SNRNP200: variants seen among roughly 807,000 people sequenced by gnomAD.
SNRNP200 encodes small nuclear ribonucleoprotein U5 subunit 200, also known as U5 small nuclear ribonucleoprotein 200 kDa helicase.
In SNRNP200, 66 loss-of-function variants were observed where a neutral mutation model predicts 255.2. The ratio of observed to expected loss-of-function variants is 0.26; its 90% confidence interval spans 0.21 to 0.32. The LOEUF (loss-of-function observed/expected upper bound fraction) is 0.32, where lower values mean the gene tolerates loss of function less well. Ranked by LOEUF, SNRNP200 falls within the 10% of genes least tolerant of loss-of-function variation. SNRNP200 has a pLI of 1.00. For missense variants in SNRNP200, 1,585 were observed against 2,749.8 expected (o/e 0.58, Z 9.47); for synonymous variants, 939 against 1,027.8 (o/e 0.91, Z 1.65).
chr2:96,299,173 G>C (rs540955756), intron 6 of SNRNP200, among the ~76,000 whole-genome samples, 156 bp downstream of exon 6: 3 of 152,242 alleles, frequency 2.0e-5, no homozygotes, highest in East Asian at 1.9e-4. Flanking sequence ...GAAGAAAACC[G>C]ACAGAAATTT....
Position 96,286,247 on chromosome 2 carries a change from C to T in SNRNP200, c.4003+64G>A. The T allele has an allele frequency of 1.3e-6, 2 of 1,555,990 alleles. No homozygotes were observed. The highest frequency in any genetic ancestry group is 2.7e-5 in the African/African-American group (2 of 73,850). On this transcript the variant is annotated intron_variant, in intron 29 of 44. Coordinates refer to ENST00000323853, the MANE Select transcript of SNRNP200 (RefSeq NM_014014.5). This position sits in a 1 kb window ranked among gnomAD's most constrained non-coding sequence, Gnocchi z 4.8. ...CTGAGCACCCCCACTCCCCTGCCTG[C>T]CACAGAGCACATCTGTCTCCCGGTG...
At chr2:96,276,645 C>A in intron 43 of SNRNP200, 3 of 490,044 alleles carry the variant, frequency 6.1e-6, no homozygotes, top group Non-Finnish European at 1.1e-5. Context: ...TGGTCTCGAA[C>A]TCCTGACCTC....
At chr2:96,303,136 A>T in intron 3 of SNRNP200, 23 bp downstream of exon 3, 1 of 1,610,046 alleles carries the variant, frequency 6.2e-7, no homozygotes. Flanking sequence ...GACCTAATAT[A>T]TATTTCACAA....
rs763830666 is a variant in SNRNP200 at position 96,303,222 on chromosome 2, A to G, written c.318T>C (p.Thr106=). Residue 106 remains threonine (T), a synonymous_variant, in exon 3 of 45, where the codon ACT becomes ACC. Transcript: ENST00000323853. ...CCTCATAGGTCTCCCGAGTCTCTTT[A>G]GTTTTGGGCTTGTAGATGATGCCCA... The part of the protein sequence containing the change: ...EMVGIIYKPK[T]KETRETYEVL... 1.2e-6 allele frequency: 2 copies of G among 1,614,162 alleles called. No homozygotes were observed. The highest frequency in any genetic ancestry group is 3.3e-5 in the Admixed American group (2 of 60,016).
intron 29 of SNRNP200, 24 bp from the exon 30 acceptor site, chr2:96,285,364 G>A (rs1259850718): frequency 6.2e-7 from 1 of 1,613,286 alleles, no homozygotes; most frequent in Non-Finnish European, 8.5e-7. Flanking sequence ...GAAAGAAGCA[G>A]TGTAAGTATC....
At chr2:96,282,151 G>T in intron 34 of SNRNP200, 1 of 517,094 alleles carries the variant, frequency 1.9e-6, no homozygotes. Context: ...AGTCATCATA[G>T]AACAGAACCC....
At position 96,287,505 on chromosome 2, in the gene SNRNP200, C is replaced by A. The variant is rs1162483469; in HGVS notation, c.3418G>T (p.Val1140Leu). The A allele has an allele frequency of 2.5e-6, 4 of 1,614,234 alleles. No individual in the cohort carries two copies. The highest frequency in any genetic ancestry group is 1.1e-5 in the South Asian group (1 of 91,088). Reference protein sequence around the residue: ...RQFRKLPEEVVKKIEKKNFPF... With the variant: ...RQFRKLPEEVLKKIEKKNFPF... Reference sequence around the variant, plus strand: ...AAATTCTTCTTCTCAATCTTCTTCACTACTTCCTCAGGGAGTTTCCGGAAC... The same window carrying A: ...AAATTCTTCTTCTCAATCTTCTTCAATACTTCCTCAGGGAGTTTCCGGAAC... Residue 1140 changes from valine to leucine, a missense_variant, in exon 26 of 45, where the codon GTG becomes TTG. Coordinates refer to ENST00000323853, the MANE Select transcript of SNRNP200 (RefSeq NM_014014.5). The surrounding 1 kb of genome is among the most constrained non-coding windows in gnomAD (Gnocchi z 5.7).
At chr2:96,297,171 A>G in intron 11 of SNRNP200, 101 bp from the exon 12 acceptor site, 6 of 1,569,784 alleles carry the variant, frequency 3.8e-6, no homozygotes, top group Non-Finnish European at 5.2e-6. Context: ...ATCTCTTTGC[A>G]TAACTTTCCA....
At chr2:96,293,852 T>C (rs1478406489) in intron 14 of SNRNP200, among the ~76,000 whole-genome samples, 1 of 152,252 alleles carries the variant, frequency 6.6e-6, no homozygotes, top group African/African-American at 2.4e-5. Context: ...CTGGCAGTTA[T>C]AGTTCCCAAG....
intron 5 of SNRNP200, among the ~76,000 whole-genome samples, chr2:96,300,758 G>A (rs1005222376): frequency 8.0e-5 from 12 of 150,096 alleles, no homozygotes; most frequent in Non-Finnish European, 1.3e-4. Flanking sequence ...AGAAGACTCC[G>A]TCTCAAAAAA....
At position 96,287,844 on chromosome 2, in the gene SNRNP200, C is replaced by T. The variant is rs764843292; in HGVS notation, c.3365+19G>A. ...ACCCCCACTCATGGTGACCAGCATCCAGCTCACTGGGTCCTTACATGCGTT... is the reference window on the plus strand; with the variant it reads ...ACCCCCACTCATGGTGACCAGCATCTAGCTCACTGGGTCCTTACATGCGTT... On this transcript the variant is annotated intron_variant, in intron 25 of 44. Transcript: ENST00000323853. The surrounding 1 kb of genome is among the most constrained non-coding windows in gnomAD (Gnocchi z 5.7). 1 of 1,609,204 alleles carries T rather than the reference C, an allele frequency of 6.2e-7. No homozygotes were observed. The highest frequency in any genetic ancestry group is 1.1e-5 in the South Asian group (1 of 90,990).
At position 96,298,698 on chromosome 2, in the gene SNRNP200, G is replaced by C. The variant is rs1301851445; in HGVS notation, c.887C>G (p.Ala296Gly). 6.2e-7 allele frequency: 1 copy of C among 1,614,144 alleles called. No homozygotes were observed. Among genetic ancestry groups the C allele is most frequent in the East Asian group, 2.2e-5 (1 of 44,884 alleles). ...ATTTTCACATTCCCGATCATCACTG[G>C]CCGTCTGCAGAGAGCAGGTAACACC... Reference protein sequence around the residue: ...ADEVLEILKTASDDRECENQL... With the variant: ...ADEVLEILKTGSDDRECENQL... Residue 296 changes from alanine (A) to glycine (G), a missense_variant, in exon 8 of 45, where the codon GCC (alanine) becomes GGC (glycine). Ala to Gly is a moderately conservative substitution (Grantham distance 60). Around this residue, in one of 9 missense-constraint regions of SNRNP200, gnomAD observed 383 missense variants for 645.3 expected, o/e 0.59. Transcript: ENST00000323853.
chr2:96,292,712 T>A (rs2063891580), intron 16 of SNRNP200, among the ~76,000 whole-genome samples: 1 of 152,216 alleles, frequency 6.6e-6, no homozygotes, highest in African/African-American at 2.4e-5. Context: ...GGCTGAGTTT[T>A]GCTAGTTAAC....
chr2:96,278,102 T>A lies in SNRNP200; in HGVS notation c.5610+135A>T. 1 of 1,513,480 alleles carries A rather than the reference T, an allele frequency of 6.6e-7. No individual in the cohort carries two copies. The allele number at this position is 1,513,480 out of a possible 1,614,324, so 93.8% of individuals were successfully genotyped here. ...GGGATGGAGATGGGTTTGAGGGAGG[T>A]ATGGAGCGGGAGGACATATGGCGGG... On this transcript the variant is annotated intron_variant, in intron 39 of 44. Transcript: ENST00000323853. This position sits in a 1 kb window ranked among gnomAD's most constrained non-coding sequence, Gnocchi z 6.9.
chr2:96,295,778 A>G, intron 13 of SNRNP200, 120 bp from the exon 14 acceptor site: 2 of 972,400 alleles, frequency 2.1e-6, no homozygotes, highest in Admixed American at 2.0e-5. Flanking sequence ...AGGTGAATAC[A>G]AGGCGAATCA....
In SNRNP200 at chr2:96,277,245, C is replaced by T; in HGVS notation, c.5932-4G>A. 1.2e-6 allele frequency: 2 copies of T among 1,614,132 alleles called. No homozygotes were observed. The highest frequency in any genetic ancestry group is 1.7e-6 in the Non-Finnish European group (2 of 1,180,010). Reference sequence around the variant, plus strand: ...TGTCGAAAACACTCTCCACTCCCTGCAGTGAGTATTCAGACGTCAGGAAAG... The same window carrying T: ...TGTCGAAAACACTCTCCACTCCCTGTAGTGAGTATTCAGACGTCAGGAAAG... On this transcript the variant is annotated splice_polypyrimidine_tract_variant and splice_region_variant and intron_variant, in intron 41 of 44. Coordinates refer to ENST00000323853, the MANE Select transcript of SNRNP200 (RefSeq NM_014014.5). The surrounding 1 kb of genome is among the most constrained non-coding windows in gnomAD (Gnocchi z 4.4).
Position 96,289,172 on chromosome 2 carries a change from A to G in SNRNP200, c.3093+55T>C, listed in dbSNP as rs771528000. 9 of 1,613,858 alleles carry G rather than the reference A, an allele frequency of 5.6e-6. No homozygotes were observed. The South Asian group carries it at 9.9e-5, about 18-fold the overall frequency. On this transcript the variant is annotated intron_variant, in intron 22 of 44. Transcript: ENST00000323853. Reference sequence around the variant, plus strand: ...AGCCTTGTGGCCGAGGAGGGACACCATTCAGTGACTTGGTGAGCACCAACT... The same window carrying G: ...AGCCTTGTGGCCGAGGAGGGACACCGTTCAGTGACTTGGTGAGCACCAACT...
rs1445567435 is a variant in SNRNP200, at chr2:96,276,225, A to C, written c.6174+679T>G. ...TTCAATTATTCTCCCATATAAAGAGAACCAGAATTTCTTTCTGGTGGTAAA... is the reference window on the plus strand; with the variant it reads ...TTCAATTATTCTCCCATATAAAGAGCACCAGAATTTCTTTCTGGTGGTAAA... On this transcript the variant is annotated intron_variant, in intron 43 of 44. Coordinates refer to ENST00000323853, the MANE Select transcript of SNRNP200 (RefSeq NM_014014.5). Among the ~76,000 whole-genome samples the C allele has an allele frequency of 3.3e-5, 5 of 152,142 alleles. No homozygotes were observed. The East Asian group carries it at 9.6e-4, about 29-fold the overall frequency.
chr2:96,291,258 AC>A lies in SNRNP200; in HGVS notation c.2421+133del. 3.9e-6 allele frequency: 3 copies of A among 766,502 alleles called. No individual in the cohort carries two copies. The South Asian group carries it at 4.1e-5, about 10-fold the overall frequency. 47.5% of individuals were successfully genotyped at this position (766,502 alleles called of 1,614,324 possible). A position where few individuals can be genotyped will look rare whatever the true frequency, so the allele number is the denominator to read the frequency against. ...GCATAAGGTTCTATTTATTGTGTCC[AC>A]CACAACCCTCTGACCTGGGCTAGCT... On this transcript the variant is annotated intron_variant, in intron 18 of 44. Transcript: ENST00000323853. This position sits in a 1 kb window ranked among gnomAD's most constrained non-coding sequence, Gnocchi z 4.2.
Sources: allele counts gnomAD v4.1 joint callset (sites outside exome capture counted in the v4.1 genomes callset), GRCh38; gene constraint gnomAD v4.1.1; regional missense constraint gnomAD v4.1.1; non-coding constraint Gnocchi (gnomAD v3.1); transcripts MANE v1.5; gene names NCBI Gene and HGNC (gene_info 2026-07-23, HGNC 2026-07-21).